LRBA: variants seen among roughly 807,000 people sequenced by gnomAD.
LRBA encodes the protein lipopolysaccharide-responsive and beige-like anchor protein.
A neutral mutation model predicts 330.0 loss-of-function variants in LRBA; 176 were observed. That is an observed-to-expected ratio of 0.53 (90% CI 0.47 to 0.60). The LOEUF is 0.60. Ranked by LOEUF, LRBA falls within the 20% of genes least tolerant of loss-of-function variation. LRBA has a pLI of 0.00. For missense variants in LRBA, 3,259 were observed against 3,444.8 expected (o/e 0.95, Z 1.35); for synonymous variants, 1,230 against 1,193.0 (o/e 1.03, Z -0.64).
intron 42 of LRBA, among the ~76,000 whole-genome samples, chr4:150,478,347 G>A (rs192446726): frequency 3.1e-4 from 47 of 152,248 alleles, no homozygotes; most frequent in Admixed American, 2.4e-3. Flanking sequence ...CACAACCCCA[G>A]CCATGGGGAT....
intron 40 of LRBA, among the ~76,000 whole-genome samples, chr4:150,502,767 G>A (rs572908616): frequency 3.3e-5 from 5 of 152,362 alleles, no homozygotes; most frequent in Admixed American, 2.0e-4. Context: ...TGCCTTACCC[G>A]AGAAGCGCAA....
At chr4:150,467,244 G>A (rs1442576299) in intron 44 of LRBA, among the ~76,000 whole-genome samples, 2 of 151,974 alleles carry the variant, frequency 1.3e-5, no homozygotes, top group Non-Finnish European at 2.9e-5. Context: ...AGAATGCTAG[G>A]AATCAACTCA....
At chr4:150,760,803 G>A (rs1259439490) in intron 35 of LRBA, among the ~76,000 whole-genome samples, 3 of 152,136 alleles carry the variant, frequency 2.0e-5, no homozygotes, top group Admixed American at 1.3e-4. Context: ...AATTTAGCAT[G>A]AAGTATTATA....
At chr4:150,487,610 T>C in intron 42 of LRBA, 122 bp downstream of exon 42, 1 of 470,426 alleles carries the variant, frequency 2.1e-6, no homozygotes, top group Non-Finnish European at 3.7e-6. Flanking sequence ...CAGAAAGTTA[T>C]AAATTTCAAA....
intron 35 of LRBA, among the ~76,000 whole-genome samples, chr4:150,752,276 C>T (rs937474984): frequency 6.6e-6 from 1 of 152,086 alleles, no homozygotes; most frequent in African/African-American, 2.4e-5. Flanking sequence ...CTTGCAACAT[C>T]TATCTCTCTC....
chr4:150,814,561 A>C (rs1046512720), intron 31 of LRBA, among the ~76,000 whole-genome samples: 2 of 152,052 alleles, frequency 1.3e-5, no homozygotes, highest in African/African-American at 4.8e-5. Flanking sequence ...TGTGGAAACC[A>C]AAACAAATGG....
intron 47 of LRBA, among the ~76,000 whole-genome samples, chr4:150,381,518 T>A (rs191248402): frequency 1.3e-5 from 2 of 152,376 alleles, no homozygotes; most frequent in East Asian, 3.8e-4. Context: ...CTGTAGCATG[T>A]CTCACTATTT....
chr4:150,435,725 A>T lies in LRBA; in HGVS notation c.6922-17T>A, dbSNP rs1339499061. On this transcript the variant is annotated splice_polypyrimidine_tract_variant and intron_variant, in intron 45 of 56. Transcript: ENST00000651943. The stretch of plus-strand genomic sequence containing the variant: ...AAAGGGTTCCTAAAAAATAGCAATT[A>T]AAAAAATCCATATGTTCCCTCAGGC... 1.2e-5 allele frequency: 19 copies of T among 1,587,036 alleles called. No homozygotes were observed. The highest frequency in any genetic ancestry group is 1.5e-5 in the Non-Finnish European group (17 of 1,170,008).
At chr4:150,431,972 T>C (rs542103649) in intron 46 of LRBA, among the ~76,000 whole-genome samples, 1 of 152,312 alleles carries the variant, frequency 6.6e-6, no homozygotes, top group South Asian at 2.1e-4. Flanking sequence ...CATTTTAACC[T>C]TCATTTCATA....
At chr4:150,439,673 A>T (rs1751568092) in intron 44 of LRBA, among the ~76,000 whole-genome samples, 1 of 152,174 alleles carries the variant, frequency 6.6e-6, no homozygotes, top group Non-Finnish European at 1.5e-5. Context: ...TGCAGTTGGA[A>T]GGCTACATAT....
At chr4:150,451,872 T>A (rs879814582) in intron 44 of LRBA, among the ~76,000 whole-genome samples, 2 of 152,064 alleles carry the variant, frequency 1.3e-5, no homozygotes, top group African/African-American at 4.8e-5. Flanking sequence ...CCAAAACTCA[T>A]TAACAAAAAG....
intron 47 of LRBA, among the ~76,000 whole-genome samples, chr4:150,400,486 G>C (rs1338998207): frequency 6.6e-6 from 1 of 152,108 alleles, no homozygotes; most frequent in Non-Finnish European, 1.5e-5. Flanking sequence ...CTCTGGTGTA[G>C]AGCATAATGG....
At chr4:150,906,538 A>G in intron 11 of LRBA, 133 bp from the exon 12 acceptor site, 1 of 550,298 alleles carries the variant, frequency 1.8e-6, no homozygotes, top group Non-Finnish European at 3.2e-6. Flanking sequence ...CTCCACTAAA[A>G]CTGCTTCCAA....
At chr4:150,532,907 A>T (rs1465850735) in intron 40 of LRBA, among the ~76,000 whole-genome samples, 1 of 152,160 alleles carries the variant, frequency 6.6e-6, no homozygotes, top group South Asian at 2.1e-4. Context: ...TACTGAGAGG[A>T]AAAAAACTAT....
chr4:150,918,938 A>G (rs1021312341), intron 5 of LRBA, among the ~76,000 whole-genome samples: 3 of 152,220 alleles, frequency 2.0e-5, no homozygotes, highest in Non-Finnish European at 4.4e-5. Context: ...ACATATGTCC[A>G]CACATAAAAT....
At chr4:150,559,671 ATT>A (rs1476928263) in intron 40 of LRBA, among the ~76,000 whole-genome samples, 2 of 85,348 alleles carry the variant, frequency 2.3e-5, no homozygotes, top group African/African-American at 4.8e-5. Context: ...TAATATATAT[ATT>A]ATATAATATA....
chr4:150,827,621 CAG>C (rs1364395706), intron 30 of LRBA, among the ~76,000 whole-genome samples: 3 of 144,840 alleles, frequency 2.1e-5, no homozygotes, highest in African/African-American at 7.7e-5. Context: ...TTTTTTTAGA[CAG>C]AGTTTCGCTC....
intron 43 of LRBA, among the ~76,000 whole-genome samples, chr4:150,471,346 T>C (rs1756108956): frequency 6.6e-6 from 1 of 152,142 alleles, no homozygotes; most frequent in African/African-American, 2.4e-5. Flanking sequence ...TGAATATAAT[T>C]TCCCTCTCTC....
chr4:150,771,857 G>A (rs1578731856), intron 34 of LRBA, among the ~76,000 whole-genome samples: 2 of 152,208 alleles, frequency 1.3e-5, no homozygotes, highest in South Asian at 4.2e-4. Flanking sequence ...GGGGAAAGAG[G>A]CTGACTAGTA....
Sources: gnomAD v4.1 joint callset for allele counts (sites outside exome capture counted in the v4.1 genomes callset) on GRCh38, gnomAD v4.1.1 for gene constraint, MANE v1.5 for transcripts, NCBI Gene and HGNC (gene_info 2026-07-23, HGNC 2026-07-21) for gene names.